Variants in STAP1 observed in about 807,000 individuals in gnomAD.
STAP1 encodes the protein signal-transducing adaptor protein 1.
STAP1 carries 30 observed loss-of-function variants against 37.8 expected under a neutral mutation model. The observed-to-expected ratio is 0.79, with a 90% CI of 0.59 to 1.08. The LOEUF (loss-of-function observed/expected upper bound fraction) is 1.08. STAP1 is among the 50% of genes least tolerant of loss of function. The probability of loss-of-function intolerance (pLI) is 0.00; values close to 1 mark genes in which losing one functional copy is unlikely to be tolerated. For synonymous variants in STAP1, 130 were observed against 116.0 expected (o/e 1.12, Z -0.78); for missense variants, 357 against 349.4 (o/e 1.02, Z -0.17).
chr4:67,572,061 G>A (rs538587692), intron 2 of STAP1, among the ~76,000 whole-genome samples: 2 of 152,298 alleles, frequency 1.3e-5, no homozygotes, highest in East Asian at 3.9e-4. Context: ...TACATGGCAA[G>A]AGGCAGTAAA....
At chr4:67,564,958 A>T (rs1163084737) in intron 1 of STAP1, among the ~76,000 whole-genome samples, 1 of 152,128 alleles carries the variant, frequency 6.6e-6, no homozygotes, top group Non-Finnish European at 1.5e-5. Flanking sequence ...TAAAGTTCTC[A>T]GAACAATATG....
intron 1 of STAP1, among the ~76,000 whole-genome samples, chr4:67,564,838 G>A (rs1727430909): frequency 6.6e-6 from 1 of 152,140 alleles, no homozygotes; most frequent in African/African-American, 2.4e-5. Flanking sequence ...GCTTCAACCT[G>A]GGAGGCAGAG....
chr4:67,589,562 T>C (rs899804210), intron 6 of STAP1, among the ~76,000 whole-genome samples: 15 of 152,354 alleles, frequency 9.8e-5, no homozygotes, highest in African/African-American at 3.4e-4. Flanking sequence ...ACTTTTGTTT[T>C]AGACAGCTTC....
At position 67,558,750 on chromosome 4, in the gene STAP1, A is replaced by G. The variant is rs201996284; in HGVS notation, c.-60A>G. 2.7e-3 allele frequency: 4,275 copies of G among 1,573,826 alleles called. 12 individuals carry two copies. Among genetic ancestry groups the G allele is most frequent in the Non-Finnish European group, 3.3e-3 (3,800 of 1,163,804 alleles). On this transcript the variant is annotated 5_prime_UTR_variant, in exon 1 of 9. Transcript: ENST00000265404. ...TTGAACAGTTGCCTTTTCCTCTCAC[A>G]GAAGGAAGATTTCATTTTGTTTGAG...
At chr4:67,584,819 T>G (rs1013448401) in intron 6 of STAP1, among the ~76,000 whole-genome samples, 1 of 152,176 alleles carries the variant, frequency 6.6e-6, no homozygotes, top group Non-Finnish European at 1.5e-5. Flanking sequence ...GCCCTACAGA[T>G]CATTGTAGGG....
chr4:67,578,957 T>C (rs1426101754), intron 4 of STAP1, among the ~76,000 whole-genome samples: 1 of 152,002 alleles, frequency 6.6e-6, no homozygotes, highest in Non-Finnish European at 1.5e-5. Flanking sequence ...GCCTCCCAAG[T>C]AGCTGGGATT....
intron 8 of STAP1, among the ~76,000 whole-genome samples, chr4:67,600,706 ACTT>A (rs1341806230): frequency 6.6e-6 from 1 of 152,026 alleles, no homozygotes; most frequent in Non-Finnish European, 1.5e-5. Flanking sequence ...TTGCAATTGT[ACTT>A]CTTGCTGAAT....
chr4:67,589,970 T>G (rs1341641439), intron 6 of STAP1, among the ~76,000 whole-genome samples: 1 of 151,990 alleles, frequency 6.6e-6, no homozygotes, highest in Non-Finnish European at 1.5e-5. Flanking sequence ...CCTGGCTAAT[T>G]TTTTGAATTT....
intron 8 of STAP1, among the ~76,000 whole-genome samples, chr4:67,598,303 G>A (rs537713942): frequency 1.4e-4 from 22 of 152,180 alleles, no homozygotes; most frequent in African/African-American, 5.3e-4. Context: ...CCTAGCAGTG[G>A]GATTGCTGGG....
chr4:67,561,428 T>C (rs1727334964), intron 1 of STAP1, among the ~76,000 whole-genome samples: 1 of 152,168 alleles, frequency 6.6e-6, no homozygotes, highest in Admixed American at 6.5e-5. Flanking sequence ...AAGAGTAACC[T>C]GGTCTATAAA....
chr4:67,572,659 A>G (rs552069564), intron 2 of STAP1, among the ~76,000 whole-genome samples: 4 of 152,342 alleles, frequency 2.6e-5, no homozygotes, highest in African/African-American at 7.2e-5. Context: ...CTAAAATCAG[A>G]ATAAAAATAG....
chr4:67,567,561 T>C (rs1252265240), intron 1 of STAP1, among the ~76,000 whole-genome samples: 2 of 152,252 alleles, frequency 1.3e-5, no homozygotes, highest in African/African-American at 4.8e-5. Flanking sequence ...CTAATCTTTA[T>C]TTTATGTTTC....
At chr4:67,599,248 C>A (rs1728288711) in intron 8 of STAP1, among the ~76,000 whole-genome samples, 1 of 152,172 alleles carries the variant, frequency 6.6e-6, no homozygotes, top group African/African-American at 2.4e-5. Flanking sequence ...AGTATTTACT[C>A]CTCCTCTATT....
chr4:67,602,458 T>A (rs1577772664), intron 8 of STAP1, among the ~76,000 whole-genome samples: 1 of 152,290 alleles, frequency 6.6e-6, no homozygotes, highest in East Asian at 1.9e-4. Flanking sequence ...CTTCACAGTA[T>A]GTGTTTGTTT....
intron 8 of STAP1, among the ~76,000 whole-genome samples, chr4:67,595,616 G>T (rs904112900): frequency 6.6e-6 from 1 of 152,154 alleles, no homozygotes; most frequent in Non-Finnish European, 1.5e-5. Context: ...TTTTTGTACG[G>T]ATTAATTTCC....
At chr4:67,597,492 C>A (rs1728251526) in intron 8 of STAP1, among the ~76,000 whole-genome samples, 1 of 152,198 alleles carries the variant, frequency 6.6e-6, no homozygotes, top group Non-Finnish European at 1.5e-5. Flanking sequence ...AACCACCATC[C>A]TCCAGAACCC....
chr4:67,606,354 A>C lies in STAP1; in HGVS notation c.885A>C (p.Ala295=), dbSNP rs746524198. ...SEKLKKNPHI[A] ...AGTTGAAGAAAAATCCACACATTGC[A>C]TGAAATACAATGTGAAAGCTCCTTT... The change falls in exon 9 of 9, where the codon GCA becomes GCC. Residue 295 remains alanine (A), a synonymous_variant. Transcript: ENST00000265404. 1.2e-6 allele frequency: 2 copies of C among 1,610,298 alleles called. No individual in the cohort carries two copies. The highest frequency in any genetic ancestry group is 2.7e-5 in the African/African-American group (2 of 74,758).
At chr4:67,571,905 T>G (rs1006452154) in intron 2 of STAP1, among the ~76,000 whole-genome samples, 1 of 152,222 alleles carries the variant, frequency 6.6e-6, no homozygotes, top group Non-Finnish European at 1.5e-5. Flanking sequence ...TAGAATGTTT[T>G]CAAATGCCAT....
intron 6 of STAP1, 132 bp from the exon 7 acceptor site, chr4:67,590,745 ATTTTTTT>A (rs66493617): frequency 2.9e-4 from 60 of 209,414 alleles, no homozygotes; most frequent in Non-Finnish European, 4.9e-4. Flanking sequence ...ACCACGAAGG[ATTTTTTT>A]TTTTTTTTTT....
Sources: allele counts gnomAD v4.1 joint callset (sites outside exome capture counted in the v4.1 genomes callset), GRCh38; gene constraint gnomAD v4.1.1; transcripts MANE v1.5; gene names NCBI Gene and HGNC (gene_info 2026-07-23, HGNC 2026-07-21).